The following UIMC1 variants were observed in gnomAD, a reference collection of about 807,000 sequenced individuals.
UIMC1 encodes ubiquitin interaction motif containing 1.
UIMC1 carries 42 observed loss-of-function variants against 84.9 expected under a neutral mutation model. The ratio of observed to expected loss-of-function variants is 0.49; its 90% CI spans 0.39 to 0.64. The LOEUF is 0.64. Among genes scored for constraint, UIMC1 ranks in the 30% least tolerant of loss-of-function variants. UIMC1 has a pLI of 0.00. For synonymous variants in UIMC1, 281 were observed against 293.0 expected (o/e 0.96, Z 0.42); for missense variants, 825 against 847.6 (o/e 0.97, Z 0.33).
At chr5:176,984,444 C>T (rs10079061) in intron 1 of UIMC1, among the ~76,000 whole-genome samples, 12,761 of 145,040 alleles carry the variant, frequency 0.088, 1,350 homozygotes, top group African/African-American at 0.24. Flanking sequence ...CGCCTCTGCC[C>T]GGCTGCCTAT....
At chr5:176,934,788 C>T (rs1196069380) in intron 10 of UIMC1, among the ~76,000 whole-genome samples, 1 of 152,208 alleles carries the variant, frequency 6.6e-6, no homozygotes, top group Non-Finnish European at 1.5e-5. Context: ...TTCCTCTAGA[C>T]TAACCTATGG....
chr5:176,925,227 A>T (rs1050778401), intron 10 of UIMC1, among the ~76,000 whole-genome samples: 1 of 152,214 alleles, frequency 6.6e-6, no homozygotes, highest in Non-Finnish European at 1.5e-5. Context: ...ACAAAATTAG[A>T]CAACAATCAT....
At chr5:176,956,123 A>C (rs1360807059) in intron 7 of UIMC1, 88 bp from the exon 8 acceptor site, 22 of 1,211,320 alleles carry the variant, frequency 1.8e-5, no homozygotes, top group Non-Finnish European at 2.3e-5. Context: ...TCACAAAGCC[A>C]CAGGTAATCA....
At chr5:176,992,165 A>G (rs1457131714) in intron 1 of UIMC1, among the ~76,000 whole-genome samples, 2 of 152,202 alleles carry the variant, frequency 1.3e-5, no homozygotes, top group Non-Finnish European at 2.9e-5. Flanking sequence ...GCCAGCCAAG[A>G]GTTCTTAACC....
At chr5:176,978,619 T>C (rs1406621686) in intron 2 of UIMC1, among the ~76,000 whole-genome samples, 1 of 152,042 alleles carries the variant, frequency 6.6e-6, no homozygotes, top group Non-Finnish European at 1.5e-5. Flanking sequence ...GCAAAACTCC[T>C]AAATAATATA....
At chr5:176,963,521 T>TAAA (rs74389908) in intron 6 of UIMC1, among the ~76,000 whole-genome samples, 1 of 130,016 alleles carries the variant, frequency 7.7e-6, no homozygotes, top group African/African-American at 2.8e-5. Flanking sequence ...ACTCCATCTT[T>TAAA]AAAAAAAAAA....
chr5:176,912,108 T>G (rs1406286337), intron 10 of UIMC1, among the ~76,000 whole-genome samples: 1 of 152,230 alleles, frequency 6.6e-6, no homozygotes, highest in African/African-American at 2.4e-5. Context: ...TCCTAACACC[T>G]GAAATCCCCA....
At chr5:176,928,710 G>C (rs1762697978) in intron 10 of UIMC1, among the ~76,000 whole-genome samples, 1 of 151,990 alleles carries the variant, frequency 6.6e-6, no homozygotes, top group Admixed American at 6.5e-5. Flanking sequence ...CCAGCACTTT[G>C]GGAGGCTGAG....
Position 176,943,345 on chromosome 5 carries a change from C to T in UIMC1, c.1587G>A (p.Glu529=). 1 of 1,613,898 alleles carries T rather than the reference C, an allele frequency of 6.2e-7. No homozygotes were observed. Among genetic ancestry groups the T allele is most frequent in the Non-Finnish European group, 8.5e-7 (1 of 1,179,924 alleles). Residue 529 remains glutamate (E), a synonymous_variant, in exon 10 of 15, where the codon GAG becomes GAA. Transcript: ENST00000511320. ...RHAMYCNGLM[E]EDTVLTRRQK... Reference sequence around the variant, plus strand: ...CTGCTGGGTCTTTACCTGTATCTTCCTCCATCAGACCATTGCAGTACATGG... The same window carrying T: ...CTGCTGGGTCTTTACCTGTATCTTCTTCCATCAGACCATTGCAGTACATGG...
chr5:176,984,936 C>A (rs1250337438), intron 1 of UIMC1, among the ~76,000 whole-genome samples: 2 of 152,022 alleles, frequency 1.3e-5, no homozygotes, highest in East Asian at 3.8e-4. Context: ...TCTCAAGTAC[C>A]CAGGGACACA....
At chr5:176,927,417 C>T (rs1354144885) in intron 10 of UIMC1, among the ~76,000 whole-genome samples, 1 of 151,932 alleles carries the variant, frequency 6.6e-6, no homozygotes, top group African/African-American at 2.4e-5. Flanking sequence ...CCACACCTGG[C>T]TATTTTTTGT....
At chr5:177,002,385 G>C (rs1774652401) in intron 1 of UIMC1, among the ~76,000 whole-genome samples, 2 of 152,322 alleles carry the variant, frequency 1.3e-5, no homozygotes, top group South Asian at 4.1e-4. Context: ...AAAGACACAA[G>C]GGAGCCTTCT....
At chr5:177,006,379 G>C (rs1032514132) in intron 1 of UIMC1, 3 of 152,276 alleles carry the variant, frequency 2.0e-5, no homozygotes, top group Admixed American at 2.0e-4. Flanking sequence ...CCCCGGAATC[G>C]GGAGGGTCCC....
intron 10 of UIMC1, among the ~76,000 whole-genome samples, chr5:176,935,789 C>G (rs1763645090): frequency 6.6e-6 from 1 of 152,126 alleles, no homozygotes; most frequent in Admixed American, 6.5e-5. Flanking sequence ...AGTCACAAGT[C>G]AAGCCTATTT....
Position 176,984,473 on chromosome 5 carries a change from C to T in UIMC1, c.-8-1850G>A, listed in dbSNP as rs567937854. Among the ~76,000 whole-genome samples, 20 of 145,064 alleles carry T rather than the reference C, an allele frequency of 1.4e-4. 1 individual carries two copies. In the South Asian group the frequency reaches 3.1e-3, roughly 23 times the overall value. On this transcript the variant is annotated intron_variant, in intron 1 of 14. Transcript: ENST00000511320. ...TGCCTATCGTCTGGGATGTGAGGAG[C>T]GCCTCTGCCTGGCCGCCCCATCTAG...
At chr5:176,985,419 G>C (rs1430472021) in intron 1 of UIMC1, among the ~76,000 whole-genome samples, 2 of 147,806 alleles carry the variant, frequency 1.4e-5, no homozygotes, top group Non-Finnish European at 3.0e-5. Context: ...TCGCACCACT[G>C]CATTCCAGCC....
chr5:176,967,786 C>G (rs561443252), intron 6 of UIMC1, among the ~76,000 whole-genome samples: 2 of 151,810 alleles, frequency 1.3e-5, no homozygotes, highest in South Asian at 4.2e-4. Context: ...ACCTATGGTC[C>G]CAGCTATTGC....
intron 12 of UIMC1, among the ~76,000 whole-genome samples, chr5:176,907,512 A>G (rs1441757937): frequency 6.6e-6 from 1 of 152,220 alleles, no homozygotes; most frequent in Non-Finnish European, 1.5e-5. Flanking sequence ...AAATCACCCC[A>G]TTCACAGAGA....
rs1771190881 is a variant in UIMC1, at chr5:176,982,404, T to A, written c.147+65A>T. Reference sequence around the variant, plus strand: ...AGGTGAAGTCAGTCACGAAACAAACTCCCCATGGGTAAAGAAGCATAGTTT... The same window carrying A: ...AGGTGAAGTCAGTCACGAAACAAACACCCCATGGGTAAAGAAGCATAGTTT... On this transcript the variant is annotated intron_variant, in intron 2 of 14. Coordinates refer to ENST00000511320, the MANE Select transcript of UIMC1 (RefSeq NM_001199298.2). The A allele has an allele frequency of 2.0e-6, 3 of 1,536,182 alleles. No individual in the cohort carries two copies. The South Asian group carries it at 3.8e-5, about 19-fold the overall frequency.
Sources: allele counts gnomAD v4.1 joint callset (sites outside exome capture counted in the v4.1 genomes callset), GRCh38; gene constraint gnomAD v4.1.1; transcripts MANE v1.5; gene names NCBI Gene and HGNC (gene_info 2026-07-23, HGNC 2026-07-21).